UHRF1: variants seen among roughly 807,000 people sequenced by gnomAD.
The protein encoded by UHRF1 is ubiquitin like with PHD and ring finger domains 1.
Under a neutral mutation model 96.5 loss-of-function variants are expected in UHRF1, and 9 were observed. That is an observed-to-expected ratio of 0.09 (90% confidence interval 0.06 to 0.16). The LOEUF is 0.16. UHRF1 is among the 10% of genes least tolerant of loss of function. The pLI, the probability that UHRF1 is intolerant of heterozygous loss-of-function variation, is 1.00. For synonymous variants in UHRF1, 455 were observed against 469.9 expected, an observed-to-expected ratio of 0.97 and a Z score of 0.41; for missense variants, 626 against 1,131.1, an observed-to-expected ratio of 0.55 and a Z score of 6.40.
chr19:4,935,664 C>G (rs1220529367), intron 5 of UHRF1, among the ~76,000 whole-genome samples: 1 of 151,966 alleles, frequency 6.6e-6, no homozygotes. Flanking sequence ...CAAGGGAGGT[C>G]TTCAGCTAGT....
intron 13 of UHRF1, among the ~76,000 whole-genome samples, chr19:4,951,840 C>G (rs113695347): frequency 6.6e-6 from 1 of 152,078 alleles, no homozygotes; most frequent in Non-Finnish European, 1.5e-5. Context: ...ACTTACTCAA[C>G]AAGCGGCGCA....
chr19:4,934,259 C>T (rs1205569497), intron 5 of UHRF1, among the ~76,000 whole-genome samples: 1 of 151,926 alleles, frequency 6.6e-6, no homozygotes, highest in Non-Finnish European at 1.5e-5. Context: ...GTCTCGAACT[C>T]CTGACCTCAA....
chr19:4,922,925 G>A (rs1205476708), intron 2 of UHRF1, among the ~76,000 whole-genome samples: 2 of 152,206 alleles, frequency 1.3e-5, no homozygotes, highest in Non-Finnish European at 2.9e-5. Context: ...ATGTGGGAAG[G>A]GCCGAAGTCA....
intron 13 of UHRF1, among the ~76,000 whole-genome samples, chr19:4,953,675 A>C (rs2033778908): frequency 6.6e-6 from 1 of 152,190 alleles, no homozygotes; most frequent in Admixed American, 6.5e-5. Context: ...TATGTTGCCC[A>C]GGCTGGTCTC....
exon 1 of UHRF1, chr19:4,903,168 G>A (rs11672152): frequency 0.083 from 22,578 of 273,434 alleles, 1,145 homozygotes; most frequent in Admixed American, 0.19. Flanking sequence ...CTGGGACCAC[G>A]GGTGCATGCC....
In UHRF1 at chr19:4,932,861, C is replaced by T. The variant is rs767034124; in HGVS notation, c.690C>T (p.Asp230=). The T allele has an allele frequency of 3.1e-6, 5 of 1,613,790 alleles. No homozygotes were observed. ...TGGTCATGCTCAACTACAACCCCGA[C>T]AACCCCAAGGAGCGGGGCTTCTGGT... is the stretch of plus-strand genomic sequence containing the variant. The part of the protein sequence containing the change: ...GQVVMLNYNP[D]NPKERGFWYD... The change falls in exon 5 of 17, where the codon GAC becomes GAT. Residue 230 remains aspartate (D), a synonymous_variant. Transcript: ENST00000650932.
chr19:4,927,652 G>A (rs1415961230), intron 2 of UHRF1, among the ~76,000 whole-genome samples: 7 of 152,076 alleles, frequency 4.6e-5, no homozygotes, highest in Admixed American at 3.9e-4. Flanking sequence ...CTGAACCAGG[G>A]CATTTCTGCC....
At chr19:4,949,546 G>T (rs139128611) in intron 11 of UHRF1, among the ~76,000 whole-genome samples, 4 of 151,898 alleles carry the variant, frequency 2.6e-5, no homozygotes, top group Admixed American at 1.3e-4. Flanking sequence ...AAAGACATGG[G>T]CCATGGGTGG....
In UHRF1 at chr19:4,923,607, G is replaced by A. The variant is rs1309431553; in HGVS notation, c.154-5615G>A. Reference sequence around the variant, plus strand: ...AGATATCGCTGCTGCAAACATAGGAGGAGCAGCTGCCCCTCTGCGCACGTG... The same window carrying A: ...AGATATCGCTGCTGCAAACATAGGAAGAGCAGCTGCCCCTCTGCGCACGTG... On this transcript the variant is annotated intron_variant, in intron 2 of 16. Transcript: ENST00000650932. Among the ~76,000 whole-genome samples the A allele has an allele frequency of 4.6e-5, 7 of 152,334 alleles. No homozygotes were observed. The South Asian group carries it at 1.4e-3, about 32-fold the overall frequency.
chr19:4,923,617 C>A (rs1035381372), intron 2 of UHRF1, among the ~76,000 whole-genome samples: 1 of 152,234 alleles, frequency 6.6e-6, no homozygotes, highest in Non-Finnish European at 1.5e-5. Context: ...GGAGCAGCTG[C>A]CCCTCTGCGC....
intron 13 of UHRF1, among the ~76,000 whole-genome samples, chr19:4,953,843 C>T (rs2033782886): frequency 6.6e-6 from 1 of 152,094 alleles, no homozygotes; most frequent in South Asian, 2.1e-4. Context: ...GTCAGGAGTT[C>T]AAGACCAGCC....
chr19:4,958,031 G>A (rs569702125), intron 16 of UHRF1, among the ~76,000 whole-genome samples: 4 of 152,302 alleles, frequency 2.6e-5, no homozygotes, highest in East Asian at 3.9e-4. Flanking sequence ...CCACACCCCC[G>A]GGTCTCAGAC....
chr19:4,907,478 A>G (rs2032088064), upstream of UHRF1, among the ~76,000 whole-genome samples: 1 of 152,030 alleles, frequency 6.6e-6, no homozygotes, highest in Non-Finnish European at 1.5e-5. Flanking sequence ...CATGTTGACC[A>G]GGCTAGTCTG....
intron 15 of UHRF1, among the ~76,000 whole-genome samples, chr19:4,956,274 C>T (rs945292922): frequency 5.9e-5 from 9 of 152,164 alleles, no homozygotes; most frequent in African/African-American, 1.4e-4. Context: ...ACTGTATTGC[C>T]GGGCTGGTCT....
intron 5 of UHRF1, among the ~76,000 whole-genome samples, chr19:4,938,806 A>C (rs2033297017): frequency 7.1e-6 from 1 of 140,322 alleles, no homozygotes; most frequent in Admixed American, 8.1e-5. Flanking sequence ...TGCAATGGCA[A>C]GCTCTCAGTT....
chr19:4,956,681 T>G, intron 15 of UHRF1, 28 bp from the exon 16 acceptor site: 1 of 1,500,226 alleles, frequency 6.7e-7, no homozygotes, highest in South Asian at 1.2e-5. Flanking sequence ...CCGGTGTCTT[T>G]GCCGGCCTCA....
In UHRF1 at chr19:4,934,172, C is replaced by T. The variant is rs17881193; in HGVS notation, c.785+1216C>T. Among the ~76,000 whole-genome samples the T allele has an allele frequency of 5.5e-3, 834 of 151,500 alleles. 5 individuals carry two copies. The highest frequency in any genetic ancestry group is 0.019 in the African/African-American group (789 of 41,266). On this transcript the variant is annotated intron_variant, in intron 5 of 16. Coordinates refer to ENST00000650932, the MANE Select transcript of UHRF1 (RefSeq NM_001048201.3). ...CCAAGTAGTTGGGATTACAGGCGCC[C>T]GCCACCACGTCTGGCTAATTTTTGT... is the stretch of plus-strand genomic sequence containing the variant.
chr19:4,930,992 G>GCCC lies in UHRF1; in HGVS notation c.569+118_569+120dup. The GCCC allele has an allele frequency of 6.8e-7, 1 of 1,466,538 alleles. No homozygotes were observed. Among genetic ancestry groups the GCCC allele is most frequent in the Non-Finnish European group, 9.3e-7 (1 of 1,080,130 alleles). 90.8% of individuals were successfully genotyped at this position (1,466,538 alleles called of 1,614,324 possible). A position where few individuals can be genotyped will look rare whatever the true frequency, so the allele number is the denominator to read the frequency against. On this transcript the variant is annotated intron_variant, in intron 4 of 16. Coordinates refer to ENST00000650932, the MANE Select transcript of UHRF1 (RefSeq NM_001048201.3). This position sits in a 1 kb window ranked among gnomAD's most constrained non-coding sequence, Gnocchi z 4.4. ...CTCGAGATGGTGATCAGGATCTGGG[G>GCCC]CCCCATCCTCGAATTCCTAACAGCA... is the stretch of plus-strand genomic sequence containing the variant.
At chr19:4,914,550 G>A in intron 2 of UHRF1, among the ~76,000 whole-genome samples, 1 of 152,096 alleles carries the variant, frequency 6.6e-6, no homozygotes, top group Admixed American at 6.6e-5. Flanking sequence ...TGACAGTGAT[G>A]TCACTTGATG....
Sources: gnomAD v4.1 joint callset for allele counts (sites outside exome capture counted in the v4.1 genomes callset) on GRCh38, gnomAD v4.1.1 for gene constraint, Gnocchi (gnomAD v3.1) non-coding constraint, MANE v1.5 for transcripts, NCBI Gene and HGNC (gene_info 2026-07-23, HGNC 2026-07-21) for gene names.